The following SMAD2 variants were observed in gnomAD, a reference collection of about 807,000 sequenced individuals.
The protein encoded by SMAD2 is SMAD family member 2, also known as MAD homolog 2.
Under a neutral mutation model 64.4 loss-of-function variants are expected in SMAD2, and 8 were observed. The ratio of observed to expected loss-of-function variants is 0.12; its 90% CI spans 0.07 to 0.22. SMAD2 has a LOEUF of 0.22. Ranked by LOEUF, SMAD2 falls within the 10% of genes least tolerant of loss-of-function variation. The pLI is 1.00. For missense variants in SMAD2, 289 were observed against 561.2 expected (o/e 0.51, Z 4.90); for synonymous variants, 203 against 195.8 (o/e 1.04, Z -0.31).
At chr18:47,868,733 C>T (rs1426405983) in intron 4 of SMAD2, among the ~76,000 whole-genome samples, 35 of 151,926 alleles carry the variant, frequency 2.3e-4, no homozygotes, top group Admixed American at 2.3e-3. Context: ...TTCATAAATC[C>T]CCATTGGAAA....
Position 47,864,730 on chromosome 18 carries a change from TCA to T in SMAD2, c.730+327_730+328del, listed in dbSNP as rs563345788. On this transcript the variant is annotated intron_variant, in intron 6 of 10. Coordinates refer to ENST00000262160, the MANE Select transcript of SMAD2 (RefSeq NM_005901.6). Reference sequence around the variant, plus strand: ...TTATTTGAGTAATTATGGTTTTTTATCACAGAGAGATACTTAGTCATAGGGTT... The same window carrying T: ...TTATTTGAGTAATTATGGTTTTTTATCAGAGAGATACTTAGTCATAGGGTT... Among the ~76,000 whole-genome samples, 169 of 152,254 alleles carry T rather than the reference TCA, an allele frequency of 1.1e-3. 2 individuals are homozygous for T. Among genetic ancestry groups the T allele is most frequent in the South Asian group, 9.1e-3 (44 of 4,826 alleles).
chr18:47,823,342 C>T lies in SMAD2; in HGVS notation c.*18485G>A, dbSNP rs1237908065. The T allele has an allele frequency of 6.6e-6, 1 of 152,160 alleles. No individual in the cohort carries two copies. Among genetic ancestry groups the T allele is most frequent in the African/African-American group, 2.4e-5 (1 of 41,432 alleles). 9.4% of individuals were successfully genotyped at this position (152,160 alleles called of 1,614,324 possible). A position where few individuals can be genotyped will look rare whatever the true frequency, so the allele number is the denominator to read the frequency against. On this transcript the variant is annotated 3_prime_UTR_variant, in exon 11 of 11. Coordinates refer to ENST00000262160, the MANE Select transcript of SMAD2 (RefSeq NM_005901.6). Reference sequence around the variant, plus strand: ...GTTTACAAATCTGTTTTATTCTGAACATCTTTGGTAAAAATCAGGGTAACT... The same window carrying T: ...GTTTACAAATCTGTTTTATTCTGAATATCTTTGGTAAAAATCAGGGTAACT...
In SMAD2 at chr18:47,841,749, T is replaced by C. The variant is rs2144275352; in HGVS notation, c.*78A>G. ...TCTTGAACTTTTGGATAGTAAACAG[T>C]CCATAGGGACCACACACAATGCTAT... On this transcript the variant is annotated 3_prime_UTR_variant, in exon 11 of 11. Coordinates refer to ENST00000262160, the MANE Select transcript of SMAD2 (RefSeq NM_005901.6). The C allele has an allele frequency of 6.4e-7, 1 of 1,551,868 alleles. No individual in the cohort carries two copies. The highest frequency in any genetic ancestry group is 8.9e-7 in the Non-Finnish European group (1 of 1,125,196).
At chr18:47,908,678 C>T (rs570985888) in intron 1 of SMAD2, among the ~76,000 whole-genome samples, 10 of 152,236 alleles carry the variant, frequency 6.6e-5, no homozygotes, top group East Asian at 5.8e-4. Flanking sequence ...ATAAAATTAA[C>T]GGTAGTACAT....
chr18:47,877,131 T>C (rs2032311278), intron 2 of SMAD2, among the ~76,000 whole-genome samples: 1 of 152,080 alleles, frequency 6.6e-6, no homozygotes, highest in South Asian at 2.1e-4. Context: ...TAATTTATTA[T>C]TTTTCATGAT....
At position 47,822,252 on chromosome 18, in the gene SMAD2, G is replaced by C. The variant is rs1912600326; in HGVS notation, c.*19575C>G. On this transcript the variant is annotated 3_prime_UTR_variant, in exon 11 of 11. Transcript: ENST00000262160. ...TTCTGGTTATGGTAAACTCTCATCAGATTTTTAATCATGGTTATTCTAAGT... is the reference window on the plus strand; with the variant it reads ...TTCTGGTTATGGTAAACTCTCATCACATTTTTAATCATGGTTATTCTAAGT... 1 of 152,130 alleles carries C rather than the reference G, an allele frequency of 6.6e-6. No individual in the cohort carries two copies. Among genetic ancestry groups the C allele is most frequent in the African/African-American group, 2.4e-5 (1 of 41,438 alleles). The allele number at this position is 152,130 out of a possible 1,614,324, so 9.4% of individuals were successfully genotyped here.
chr18:47,862,059 G>T (rs1195295273), intron 6 of SMAD2, among the ~76,000 whole-genome samples: 2 of 152,158 alleles, frequency 1.3e-5, no homozygotes. Flanking sequence ...AGTAAGTCTT[G>T]TAAGTGGAGT....
At chr18:47,891,960 T>C (rs2033217005) in intron 2 of SMAD2, among the ~76,000 whole-genome samples, 1 of 152,172 alleles carries the variant, frequency 6.6e-6, no homozygotes, top group Non-Finnish European at 1.5e-5. Context: ...ACTAAAAATT[T>C]GGTCAATTAA....
intron 2 of SMAD2, 71 bp from the exon 3 acceptor site, chr18:47,870,635 A>G: frequency 1.0e-6 from 1 of 972,778 alleles, no homozygotes; most frequent in Non-Finnish European, 1.7e-6. Context: ...ACCATGATGT[A>G]AAACATGGAG....
At chr18:47,854,088 T>TAA (rs35189746) in intron 6 of SMAD2, among the ~76,000 whole-genome samples, 2 of 146,268 alleles carry the variant, frequency 1.4e-5, no homozygotes, top group Admixed American at 6.8e-5. Flanking sequence ...TAGAAGCCTT[T>TAA]AAAAAAAAAA....
At chr18:47,862,118 G>A (rs951744052) in intron 6 of SMAD2, among the ~76,000 whole-genome samples, 3 of 152,024 alleles carry the variant, frequency 2.0e-5, no homozygotes, top group African/African-American at 7.2e-5. Flanking sequence ...TTTACAAGAA[G>A]AAAAAATTAA....
intron 7 of SMAD2, among the ~76,000 whole-genome samples, chr18:47,849,690 T>C (rs1414078446): frequency 6.6e-6 from 1 of 152,100 alleles, no homozygotes; most frequent in Non-Finnish European, 1.5e-5. Flanking sequence ...ATATAAATGC[T>C]ATACAAATAT....
At chr18:47,925,648 G>C (rs574659105) in intron 1 of SMAD2, among the ~76,000 whole-genome samples, 3 of 151,994 alleles carry the variant, frequency 2.0e-5, no homozygotes, top group Non-Finnish European at 4.4e-5. Context: ...GATCAAAATT[G>C]ATCAATGACA....
intron 6 of SMAD2, among the ~76,000 whole-genome samples, chr18:47,864,253 C>G (rs1361370686): frequency 6.6e-6 from 1 of 152,116 alleles, no homozygotes; most frequent in Admixed American, 6.5e-5. Context: ...GCAGAAACTT[C>G]TTTACCTGGG....
At chr18:47,878,059 C>A (rs941748690) in intron 2 of SMAD2, among the ~76,000 whole-genome samples, 5 of 152,098 alleles carry the variant, frequency 3.3e-5, no homozygotes, top group Non-Finnish European at 7.4e-5. Context: ...AACAAACAGT[C>A]ACCAAATGTG....
chr18:47,850,279 TATATATATTATGTATA>T (rs1334076013), intron 7 of SMAD2, among the ~76,000 whole-genome samples: 2 of 68,216 alleles, frequency 2.9e-5, no homozygotes, highest in Non-Finnish European at 4.9e-5. Context: ...TATTATATAT[TATATATATTATGTATA>T]ATATATATTA....
chr18:47,916,396 ATATT>A (rs112501365), intron 1 of SMAD2, among the ~76,000 whole-genome samples: 63,655 of 151,316 alleles, frequency 0.42, 14,260 homozygotes, highest in East Asian at 0.59. Flanking sequence ...TGGTACAGGT[ATATT>A]TATTTATTTA....
intron 1 of SMAD2, among the ~76,000 whole-genome samples, chr18:47,915,757 C>CA (rs113956213): frequency 1.2e-3 from 176 of 151,980 alleles, no homozygotes; most frequent in African/African-American, 4.0e-3. Context: ...ACCACAATCC[C>CA]CAAAAAAACA....
In SMAD2 at chr18:47,910,844, G is replaced by GT. The variant is rs138688832; in HGVS notation, c.-53-14036dup. Among the ~76,000 whole-genome samples, 506 of 152,242 alleles carry GT rather than the reference G, an allele frequency of 3.3e-3. 4 individuals are homozygous for GT. The highest frequency in any genetic ancestry group is 3.2e-3 in the Non-Finnish European group (217 of 68,008). On this transcript the variant is annotated intron_variant, in intron 1 of 10. Transcript: ENST00000262160. Reference sequence around the variant, plus strand: ...TAAGGCTTCCAGTCAACAGTAGGTCGTAAGTTTTAGGAGAGTCAAAAGTTA... The same window carrying GT: ...TAAGGCTTCCAGTCAACAGTAGGTCGTTAAGTTTTAGGAGAGTCAAAAGTTA...
Sources: gnomAD v4.1 joint callset for allele counts (sites outside exome capture counted in the v4.1 genomes callset) on GRCh38, gnomAD v4.1.1 for gene constraint, MANE v1.5 for transcripts, NCBI Gene and HGNC (gene_info 2026-07-23, HGNC 2026-07-21) for gene names.